The following GSPT1 variants were observed in gnomAD, a reference collection of about 807,000 sequenced individuals.
GSPT1 encodes eukaryotic peptide chain release factor GTP-binding subunit ERF3A.
GSPT1 carries 20 observed loss-of-function variants against 72.5 expected under a neutral mutation model. The ratio of observed to expected loss-of-function variants is 0.28; its 90% confidence interval spans 0.19 to 0.40. GSPT1 has a LOEUF of 0.40. Ranked by LOEUF, GSPT1 falls within the 10% of genes least tolerant of loss-of-function variation. The pLI is 1.00. For synonymous variants in GSPT1, 334 were observed against 293.5 expected (o/e 1.14, Z -1.41); for missense variants, 580 against 811.9 (o/e 0.71, Z 3.47).
intron 1 of GSPT1, among the ~76,000 whole-genome samples, chr16:11,906,713 G>T (rs1014157390): frequency 1.3e-5 from 2 of 152,154 alleles, no homozygotes; most frequent in Non-Finnish European, 2.9e-5. Context: ...TGCCAGGGTG[G>T]TAACGATAAA....
rs1433974388 is a variant in GSPT1, at chr16:11,908,489, G to C, written c.352+6880C>G. 1.8e-5 allele frequency: 2 copies of C among 113,002 alleles called. 1 individual carries two copies. The highest frequency in any genetic ancestry group is 3.4e-5 in the Non-Finnish European group (2 of 58,420). 7.0% of individuals were successfully genotyped at this position (113,002 alleles called of 1,614,324 possible). ...AAAATACAAAAATTAGGCCGGGCGC[G>C]GTGGCTCACGCCTGTAATCCCAGCA... is the stretch of plus-strand genomic sequence containing the variant. On this transcript the variant is annotated intron_variant, in intron 1 of 14. Coordinates refer to ENST00000434724, the MANE Select transcript of GSPT1 (RefSeq NM_002094.4).
At position 11,872,322 on chromosome 16, in the gene GSPT1, GTTCTT is replaced by G. The variant is rs1413043298; in HGVS notation, c.*792_*796del. 1 of 150,282 alleles carries G rather than the reference GTTCTT, an allele frequency of 6.7e-6. No individual in the cohort carries two copies. The highest frequency in any genetic ancestry group is 6.7e-5 in the Admixed American group (1 of 15,034). The allele number at this position is 150,282 out of a possible 1,614,324, so 9.3% of individuals were successfully genotyped here. A position where few individuals can be genotyped will look rare whatever the true frequency, so the allele number is the denominator to read the frequency against. On this transcript the variant is annotated 3_prime_UTR_variant, in exon 15 of 15. Transcript: ENST00000434724. ...TTACTTATAAAAACTACAGTATGCT[GTTCTT>G]TTATTTTAAAACAACTTACTGTGTT... is the stretch of plus-strand genomic sequence containing the variant.
Position 11,877,081 on chromosome 16 carries a change from G to T in GSPT1, c.1602+326C>A, listed in dbSNP as rs180980630. Among the ~76,000 whole-genome samples, 1 of 152,298 alleles carries T rather than the reference G, an allele frequency of 6.6e-6. No individual in the cohort carries two copies. The highest frequency in any genetic ancestry group is 1.9e-4 in the East Asian group (1 of 5,184). The stretch of plus-strand genomic sequence containing the variant: ...CTGGAAAGCTATGTGCTGTCAATGA[G>T]CACATAAACCATGACTTCCACAGTA... On this transcript the variant is annotated intron_variant, in intron 12 of 14. Transcript: ENST00000434724. This position sits in a 1 kb window ranked among gnomAD's most constrained non-coding sequence, Gnocchi z 4.0.
chr16:11,874,820 CTA>C (rs1284739279), intron 14 of GSPT1, among the ~76,000 whole-genome samples: 1 of 152,128 alleles, frequency 6.6e-6, no homozygotes, highest in Non-Finnish European at 1.5e-5. Context: ...TGTGAAATGA[CTA>C]TTCTGTATTT....
chr16:11,875,162 C>T (rs957007138), intron 14 of GSPT1, among the ~76,000 whole-genome samples: 1 of 151,864 alleles, frequency 6.6e-6, no homozygotes, highest in African/African-American at 2.4e-5. Context: ...GCACTCCAGC[C>T]TGGGTGACAG....
In GSPT1 at chr16:11,877,859, C is replaced by T. The variant is rs1166483270; in HGVS notation, c.1429-279G>A. Among the ~76,000 whole-genome samples the T allele has an allele frequency of 6.6e-6, 1 of 152,054 alleles. No individual in the cohort carries two copies. Among genetic ancestry groups the T allele is most frequent in the Non-Finnish European group, 1.5e-5 (1 of 68,026 alleles). ...TACACTAGCATTTGCCTTTTTTTAC[C>T]TTTTCAAAATCGAAAACACAATTTA... On this transcript the variant is annotated intron_variant, in intron 11 of 14. Transcript: ENST00000434724. This position sits in a 1 kb window ranked among gnomAD's most constrained non-coding sequence, Gnocchi z 4.0.
intron 4 of GSPT1, 66 bp downstream of exon 4, chr16:11,896,492 G>T: frequency 2.4e-6 from 2 of 847,130 alleles, no homozygotes; most frequent in Non-Finnish European, 1.9e-6. Flanking sequence ...ACATCTCCAG[G>T]TAGCTAAAAA....
At chr16:11,894,589 T>C (rs2054311753) in intron 5 of GSPT1, among the ~76,000 whole-genome samples, 1 of 152,202 alleles carries the variant, frequency 6.6e-6, no homozygotes, top group South Asian at 2.1e-4. Context: ...TTTTAAAAAA[T>C]GTAAAAAGCT....
chr16:11,871,257 T>C lies in GSPT1; in HGVS notation c.*1862A>G, dbSNP rs771256704. ...GATGTAGCCTCATTCAAGAAATGAA[T>C]GGGAATTTCACAGTTAAGAAAACAC... On this transcript the variant is annotated 3_prime_UTR_variant, in exon 15 of 15. Coordinates refer to ENST00000434724, the MANE Select transcript of GSPT1 (RefSeq NM_002094.4). 10 of 152,204 alleles carry C rather than the reference T, an allele frequency of 6.6e-5. No individual in the cohort carries two copies. The highest frequency in any genetic ancestry group is 1.9e-4 in the East Asian group (1 of 5,196). The allele number at this position is 152,204 out of a possible 1,614,324, so 9.4% of individuals were successfully genotyped here.
chr16:11,904,582 G>A (rs559065395), intron 1 of GSPT1, among the ~76,000 whole-genome samples: 8 of 151,884 alleles, frequency 5.3e-5, no homozygotes, highest in African/African-American at 1.9e-4. Flanking sequence ...ATGGGTCAAA[G>A]GACTTGAATA....
chr16:11,894,236 G>GATGACAC (rs1337609960), intron 5 of GSPT1, among the ~76,000 whole-genome samples: 1 of 142,388 alleles, frequency 7.0e-6, no homozygotes, highest in Non-Finnish European at 1.5e-5. Context: ...TAGGTCCTCT[G>GATGACAC]ATGACACAGT....
chr16:11,887,020 AGT>A, intron 7 of GSPT1, 89 bp from the exon 8 acceptor site: 2 of 581,276 alleles, frequency 3.4e-6, no homozygotes, highest in Non-Finnish European at 5.2e-6. Context: ...TTATATCACG[AGT>A]TTTTTTTTTT....
intron 12 of GSPT1, among the ~76,000 whole-genome samples, chr16:11,876,604 C>T (rs879779847): frequency 4.6e-5 from 7 of 152,018 alleles, no homozygotes; most frequent in Admixed American, 1.3e-4. Flanking sequence ...ATCAGCCAGG[C>T]GTGGTGGTGG....
At chr16:11,902,012 C>G (rs2054413355) in intron 1 of GSPT1, among the ~76,000 whole-genome samples, 1 of 151,526 alleles carries the variant, frequency 6.6e-6, no homozygotes, top group Non-Finnish European at 1.5e-5. Context: ...AGGAAGCTAC[C>G]CGGGAGGCAG....
chr16:11,914,857 G>A, intron 1 of GSPT1: 1 of 464,136 alleles, frequency 2.2e-6, no homozygotes, highest in Non-Finnish European at 3.8e-6. Context: ...TGGGGGCCAC[G>A]GACAGTTTAA....
chr16:11,910,735 TC>T (rs2150892631), intron 1 of GSPT1, among the ~76,000 whole-genome samples: 1 of 152,352 alleles, frequency 6.6e-6, no homozygotes, highest in Admixed American at 6.5e-5. Flanking sequence ...TGCTGTCTTT[TC>T]ACGCTGTGCA....
intron 1 of GSPT1, among the ~76,000 whole-genome samples, chr16:11,906,506 C>T (rs907239448): frequency 1.3e-5 from 2 of 152,108 alleles, no homozygotes; most frequent in Non-Finnish European, 2.9e-5. Context: ...TGGAGGCATA[C>T]AACTGTAGTC....
In GSPT1 at chr16:11,897,979, A is replaced by C; in HGVS notation, c.394+15T>G. ...AATGTTTTCTCAAGTAGACTTTCAA[A>C]GAGTACATCATTACCTTCACACAAT... On this transcript the variant is annotated intron_variant, in intron 2 of 14. Transcript: ENST00000434724. The C allele has an allele frequency of 6.5e-7, 1 of 1,538,164 alleles. No individual in the cohort carries two copies. Among genetic ancestry groups the C allele is most frequent in the Non-Finnish European group, 8.8e-7 (1 of 1,132,346 alleles).
At chr16:11,908,782 AAAAAAAAAAATAC>A (rs1317383732) in intron 1 of GSPT1, 2 of 34,908 alleles carry the variant, frequency 5.7e-5, no homozygotes, top group South Asian at 8.4e-4. Context: ...AAAAAAAAAA[AAAAAAAAAAATAC>A]AAAAATTAGC....
Sources: gnomAD v4.1 joint callset for allele counts (sites outside exome capture counted in the v4.1 genomes callset) on GRCh38, gnomAD v4.1.1 for gene constraint, Gnocchi (gnomAD v3.1) non-coding constraint, MANE v1.5 for transcripts, NCBI Gene and HGNC (gene_info 2026-07-23, HGNC 2026-07-21) for gene names.